FOXP1: variants seen among roughly 807,000 people sequenced by gnomAD.
The protein encoded by FOXP1 is forkhead box protein P1.
Under a neutral mutation model 98.2 loss-of-function variants are expected in FOXP1, and 15 were observed. The ratio of observed to expected loss-of-function variants is 0.15; its 90% CI spans 0.10 to 0.24. The LOEUF (loss-of-function observed/expected upper bound fraction) is 0.24. FOXP1 is among the 10% of genes least tolerant of loss of function. FOXP1 has a pLI of 1.00. For missense variants in FOXP1, 633 were observed against 848.5 expected (o/e 0.75, Z 3.15); for synonymous variants, 371 against 314.5 (o/e 1.18, Z -1.90).
intron 13 of FOXP1, among the ~76,000 whole-genome samples, chr3:70,995,882 T>C (rs1312963096): frequency 6.6e-6 from 1 of 152,230 alleles, no homozygotes; most frequent in Non-Finnish European, 1.5e-5. Context: ...CATATATTTT[T>C]ACATCTTTCA....
In FOXP1 at chr3:70,958,932, A is replaced by C. The variant is rs1344425322; in HGVS notation, c.*315T>G. On this transcript the variant is annotated 3_prime_UTR_variant, in exon 21 of 21. Coordinates refer to ENST00000649528, the MANE Select transcript of FOXP1 (RefSeq NM_001349338.3). ...GGACTGCAGTTCAAAGTCTGCTGCT[A>C]AAAGTGAATCAGTTTAGCAAATTTA... is the stretch of plus-strand genomic sequence containing the variant. The C allele has an allele frequency of 2.8e-5, 12 of 429,508 alleles. No individual in the cohort carries two copies. Among genetic ancestry groups the C allele is most frequent in the South Asian group, 2.3e-4 (10 of 44,406 alleles). 26.6% of individuals were successfully genotyped at this position (429,508 alleles called of 1,614,324 possible).
intron 7 of FOXP1, among the ~76,000 whole-genome samples, chr3:71,058,689 TGGCCCCCTGTGG>T: frequency 6.6e-6 from 1 of 152,044 alleles, no homozygotes; most frequent in African/African-American, 2.4e-5. Flanking sequence ...TCATCACCTC[TGGCCCCCTGTGG>T]AAAACAAGTT....
intron 14 of FOXP1, among the ~76,000 whole-genome samples, chr3:70,984,006 A>G (rs573594317): frequency 4.6e-5 from 7 of 152,340 alleles, no homozygotes; most frequent in African/African-American, 1.7e-4. Flanking sequence ...AAGAATATCA[A>G]TCATTTTCAT....
At chr3:71,525,611 A>C (rs769417959) in intron 2 of FOXP1, among the ~76,000 whole-genome samples, 6 of 152,176 alleles carry the variant, frequency 3.9e-5, no homozygotes, top group African/African-American at 7.2e-5. Context: ...AGGGAGAATA[A>C]GAAAGACCTC....
At chr3:70,967,687 G>GTTTTTTTTTTTGTTT (rs2035151049) in intron 19 of FOXP1, among the ~76,000 whole-genome samples, 3 of 61,358 alleles carry the variant, frequency 4.9e-5, no homozygotes, top group African/African-American at 1.7e-4. Flanking sequence ...ACTATTATTT[G>GTTTTTTTTTTTGTTT]TTTTTTTTTT....
At chr3:71,163,925 A>T (rs2061272887) in intron 6 of FOXP1, among the ~76,000 whole-genome samples, 1 of 152,116 alleles carries the variant, frequency 6.6e-6, no homozygotes, top group African/African-American at 2.4e-5. Context: ...GTCCACAGAG[A>T]GTGTGGAGAA....
intron 2 of FOXP1, among the ~76,000 whole-genome samples, chr3:71,522,012 A>C (rs1275875528): frequency 7.0e-6 from 1 of 143,856 alleles, no homozygotes; most frequent in Non-Finnish European, 1.6e-5. Flanking sequence ...AGAACATCTG[A>C]ACAGCAAGAA....
chr3:71,472,897 T>C (rs771418527), intron 3 of FOXP1, among the ~76,000 whole-genome samples: 4 of 152,200 alleles, frequency 2.6e-5, no homozygotes, highest in South Asian at 4.1e-4. Context: ...CCAGGGCACC[T>C]TCAATTAGTT....
intron 2 of FOXP1, among the ~76,000 whole-genome samples, chr3:71,549,554 T>TC (rs1292594056): frequency 6.6e-6 from 1 of 152,186 alleles, no homozygotes; most frequent in African/African-American, 2.4e-5. Flanking sequence ...TTTGTGTTTT[T>TC]AGTAGAGATG....
intron 2 of FOXP1, among the ~76,000 whole-genome samples, chr3:71,519,720 C>T (rs1234502039): frequency 6.6e-6 from 1 of 152,218 alleles, no homozygotes; most frequent in Non-Finnish European, 1.5e-5. Flanking sequence ...AATTCTTCCC[C>T]CAGTGTGTTT....
intron 5 of FOXP1, among the ~76,000 whole-genome samples, chr3:71,280,140 A>G (rs1027231337): frequency 6.6e-6 from 1 of 151,276 alleles, no homozygotes; most frequent in Non-Finnish European, 1.5e-5. Context: ...AAAAAAAAAA[A>G]AAAAAAAAAT....
chr3:71,323,469 A>G (rs917099181), intron 4 of FOXP1, among the ~76,000 whole-genome samples: 3 of 152,166 alleles, frequency 2.0e-5, no homozygotes, highest in Non-Finnish European at 4.4e-5. Flanking sequence ...AACCAAGAAT[A>G]TGAGCAATAA....
At chr3:71,085,345 TC>T (rs2054922033) in intron 7 of FOXP1, among the ~76,000 whole-genome samples, 1 of 152,132 alleles carries the variant, frequency 6.6e-6, no homozygotes, top group African/African-American at 2.4e-5. Flanking sequence ...AGATAGGGTC[TC>T]CCTGTGTTAC....
intron 6 of FOXP1, among the ~76,000 whole-genome samples, chr3:71,122,459 C>T (rs9834148): frequency 0.036 from 5,544 of 152,242 alleles, 226 homozygotes; most frequent in African/African-American, 0.1. Context: ...CATTAATTTA[C>T]ACTCCTTAAA....
At chr3:71,512,820 C>G (rs1026667812) in intron 2 of FOXP1, among the ~76,000 whole-genome samples, 1 of 152,194 alleles carries the variant, frequency 6.6e-6, no homozygotes, top group African/African-American at 2.4e-5. Context: ...ACCATCTCCA[C>G]CCCTGTGTTT....
At chr3:70,984,387 G>C (rs1049603621) in intron 14 of FOXP1, among the ~76,000 whole-genome samples, 2 of 152,172 alleles carry the variant, frequency 1.3e-5, no homozygotes, top group Non-Finnish European at 2.9e-5. Context: ...TTTCAGCTTA[G>C]ACATCATTTC....
At chr3:71,118,591 G>A (rs1277987763) in intron 6 of FOXP1, among the ~76,000 whole-genome samples, 1 of 152,146 alleles carries the variant, frequency 6.6e-6, no homozygotes, top group Non-Finnish European at 1.5e-5. Context: ...CTGACACATG[G>A]AGGTCTTCAA....
At chr3:71,531,199 G>A (rs1421637685) in intron 2 of FOXP1, among the ~76,000 whole-genome samples, 1 of 152,224 alleles carries the variant, frequency 6.6e-6, no homozygotes, top group Non-Finnish European at 1.5e-5. Context: ...GGCAAAGTAG[G>A]AGATATCGGT....
chr3:71,225,595 AT>A (rs1286817175), intron 5 of FOXP1, among the ~76,000 whole-genome samples: 1 of 152,178 alleles, frequency 6.6e-6, no homozygotes, highest in African/African-American at 2.4e-5. Context: ...ATAAACAGAG[AT>A]TTGCATATTT....
Sources: gnomAD v4.1 joint callset for allele counts (sites outside exome capture counted in the v4.1 genomes callset) on GRCh38, gnomAD v4.1.1 for gene constraint, MANE v1.5 for transcripts, NCBI Gene and HGNC (gene_info 2026-07-23, HGNC 2026-07-21) for gene names.